Variants in ANK1 observed in about 807,000 individuals in gnomAD.
ANK1 encodes the protein ankyrin-1.
Under a neutral mutation model 210.4 loss-of-function variants are expected in ANK1, and 51 were observed. That is an observed-to-expected ratio of 0.24 (90% CI 0.19 to 0.31). The LOEUF is 0.31. Ranked by LOEUF, ANK1 falls within the 10% of genes least tolerant of loss-of-function variation. The pLI, the probability that ANK1 is intolerant of heterozygous loss-of-function variation, is 1.00. For synonymous variants in ANK1, 967 were observed against 1,025.9 expected (o/e 0.94, Z 1.10); for missense variants, 2,051 against 2,504.4 (o/e 0.82, Z 3.86).
intron 1 of ANK1, 140 bp from the exon 2 acceptor site, chr8:41,758,277 C>A: frequency 2.5e-6 from 2 of 792,704 alleles, no homozygotes; most frequent in East Asian, 4.9e-5. Context: ...CAGGTGTGCA[C>A]AGGAGCCTGA....
chr8:41,831,639 C>CAAAAAAAAA (rs143137281), intron 1 of ANK1, among the ~76,000 whole-genome samples: 2 of 58,410 alleles, frequency 3.4e-5, no homozygotes, highest in Non-Finnish European at 7.0e-5. Flanking sequence ...AAAAGTCTGT[C>CAAAAAAAAA]AAAAAAAAAA....
chr8:41,885,767 C>CTATG (rs1041125045), intron 1 of ANK1, among the ~76,000 whole-genome samples: 8 of 152,210 alleles, frequency 5.3e-5, no homozygotes, highest in African/African-American at 1.9e-4. Context: ...GGCCAAATCT[C>CTATG]TATGCCGCAG....
chr8:41,695,353 G>C, intron 26 of ANK1, 22 bp from the exon 27 acceptor site: 1 of 1,613,606 alleles, frequency 6.2e-7, no homozygotes, highest in Non-Finnish European at 8.5e-7. Flanking sequence ...ACACAGTGGT[G>C]GTGGGGAGGT....
At chr8:41,769,571 G>A (rs998479346) in intron 1 of ANK1, among the ~76,000 whole-genome samples, 25 of 152,152 alleles carry the variant, frequency 1.6e-4, no homozygotes, top group African/African-American at 5.6e-4. Context: ...AAACACGAAT[G>A]CAATTGACTT....
intron 31 of ANK1, among the ~76,000 whole-genome samples, chr8:41,692,120 G>A (rs927958142): frequency 6.6e-6 from 1 of 151,302 alleles, no homozygotes; most frequent in African/African-American, 2.4e-5. Flanking sequence ...GCAACAGTGC[G>A]ATCTCGGCTC....
upstream of ANK1, among the ~76,000 whole-genome samples, chr8:41,799,937 A>G (rs1849606033): frequency 6.6e-6 from 1 of 152,114 alleles, no homozygotes; most frequent in African/African-American, 2.4e-5. Flanking sequence ...CGTGACAAGG[A>G]ACTAAGGACA....
chr8:41,698,243 A>T, intron 23 of ANK1, 122 bp from the exon 24 acceptor site: 1 of 959,730 alleles, frequency 1.0e-6, no homozygotes. Flanking sequence ...GCGCTTCACA[A>T]CCTGGTGGAA....
At chr8:41,792,486 G>A (rs1361547181) in intron 1 of ANK1, among the ~76,000 whole-genome samples, 1 of 152,210 alleles carries the variant, frequency 6.6e-6, no homozygotes, top group African/African-American at 2.4e-5. Flanking sequence ...ACTCATTCAT[G>A]GGTTTCCAAT....
chr8:41,754,202 C>T (rs952139852), intron 2 of ANK1, among the ~76,000 whole-genome samples: 12 of 152,214 alleles, frequency 7.9e-5, no homozygotes, highest in South Asian at 4.1e-4. Context: ...TCCATATACA[C>T]GTGGAGATGC....
Position 41,663,670 on chromosome 8 carries a change from C to CA in ANK1, c.5466dup (p.Val1823CysfsTer118). Reference sequence around the variant, plus strand: ...CACTCTGCACCCACCTTCTTGGTGACAATGTTGCCCTGCTCATCCGTGAAT... The same window carrying CA: ...CACTCTGCACCCACCTTCTTGGTGACAAATGTTGCCCTGCTCATCCGTGAAT... On this transcript the variant is annotated frameshift_variant, in exon 40 of 43. Transcript: ENST00000289734. LOFTEE classifies it high-confidence loss of function. 6.2e-7 allele frequency: 1 copy of CA among 1,613,984 alleles called. No individual in the cohort carries two copies. Among genetic ancestry groups the CA allele is most frequent in the Non-Finnish European group, 8.5e-7 (1 of 1,179,880 alleles).
At chr8:41,865,107 G>A (rs1179961557) in intron 1 of ANK1, among the ~76,000 whole-genome samples, 2 of 152,154 alleles carry the variant, frequency 1.3e-5, no homozygotes, top group Admixed American at 1.3e-4. Flanking sequence ...CACCCTCTGA[G>A]CTGAGGCCTC....
At chr8:41,873,426 A>G (rs1245792798) in intron 1 of ANK1, among the ~76,000 whole-genome samples, 1 of 152,180 alleles carries the variant, frequency 6.6e-6, no homozygotes, top group Non-Finnish European at 1.5e-5. Context: ...CCCATTCACA[A>G]TCTCATTTAA....
chr8:41,689,158 C>T (rs537532802), intron 33 of ANK1, among the ~76,000 whole-genome samples: 1 of 152,110 alleles, frequency 6.6e-6, no homozygotes, highest in Non-Finnish European at 1.5e-5. Flanking sequence ...CACTCTGTCT[C>T]TGAAGCTGGA....
At chr8:41,737,611 T>A (rs1300345859) in intron 2 of ANK1, among the ~76,000 whole-genome samples, 1 of 152,172 alleles carries the variant, frequency 6.6e-6, no homozygotes, top group East Asian at 1.9e-4. Context: ...GGCCCAGCGA[T>A]CTCCTTCTTA....
At chr8:41,861,304 GT>G (rs1398039167) in intron 1 of ANK1, among the ~76,000 whole-genome samples, 4 of 152,182 alleles carry the variant, frequency 2.6e-5, no homozygotes, top group Non-Finnish European at 5.9e-5. Context: ...CCCATAGTGT[GT>G]TCTGTGGAAA....
intron 1 of ANK1, among the ~76,000 whole-genome samples, chr8:41,816,995 T>G (rs1803453187): frequency 6.6e-6 from 1 of 152,162 alleles, no homozygotes; most frequent in African/African-American, 2.4e-5. Context: ...TATAAGAGAA[T>G]AGCTGGATCT....
chr8:41,715,345 A>G (rs374281557), intron 14 of ANK1, among the ~76,000 whole-genome samples: 1 of 152,224 alleles, frequency 6.6e-6, no homozygotes, highest in East Asian at 1.9e-4. Flanking sequence ...TATGAGTCTT[A>G]ATCCTTTTCA....
At chr8:41,741,909 C>A (rs544696322) in intron 2 of ANK1, among the ~76,000 whole-genome samples, 2 of 152,304 alleles carry the variant, frequency 1.3e-5, no homozygotes, top group African/African-American at 4.8e-5. Flanking sequence ...TAGGAGATAA[C>A]CTTTTAAGGC....
At chr8:41,872,435 G>A (rs1024229527) in intron 1 of ANK1, among the ~76,000 whole-genome samples, 20 of 152,218 alleles carry the variant, frequency 1.3e-4, no homozygotes, top group Admixed American at 6.5e-5. Context: ...AGAGTGCCAG[G>A]AGCCACAGAA....
Sources: gnomAD v4.1 joint callset for allele counts (sites outside exome capture counted in the v4.1 genomes callset) on GRCh38, gnomAD v4.1.1 for gene constraint, MANE v1.5 for transcripts, NCBI Gene and HGNC (gene_info 2026-07-23, HGNC 2026-07-21) for gene names.